SLC30A7: variants seen among roughly 807,000 people sequenced by gnomAD.
SLC30A7 encodes the protein solute carrier family 30 member 7.
A neutral mutation model predicts 46.0 loss-of-function variants in SLC30A7; 35 were observed. The observed-to-expected ratio is 0.76, with a 90% CI of 0.58 to 1.01. SLC30A7 has a LOEUF of 1.01. SLC30A7 is among the 50% of genes least tolerant of loss of function. The pLI, the probability that SLC30A7 is intolerant of heterozygous loss-of-function variation, is 0.00. For synonymous variants in SLC30A7, 147 were observed against 157.8 expected, an observed-to-expected ratio of 0.93 and a Z score of 0.51; for missense variants, 464 against 451.1, an observed-to-expected ratio of 1.03 and a Z score of -0.26.
intron 8 of SLC30A7, chr1:100,941,663 C>G: frequency 3.2e-6 from 2 of 624,212 alleles, no homozygotes; most frequent in Admixed American, 3.7e-5. Flanking sequence ...TAAGTGGGCA[C>G]TGGTCTCTGA....
At position 100,975,858 on chromosome 1, in the gene SLC30A7, C is replaced by T. The variant is rs1454760682; in HGVS notation, c.*1001C>T. 5 of 109,986 alleles carry T rather than the reference C, an allele frequency of 4.5e-5. No homozygotes were observed. The Admixed American group carries it at 5.0e-4, about 11-fold the overall frequency. 6.8% of individuals were successfully genotyped at this position (109,986 alleles called of 1,614,324 possible). On this transcript the variant is annotated 3_prime_UTR_variant, in exon 11 of 11. Coordinates refer to ENST00000357650, the MANE Select transcript of SLC30A7 (RefSeq NM_133496.5). ...TTTTTTTTTTTTTTTTTTTTTTTAACAATGGATATTCTGTAAAATATCCTG... is the reference window on the plus strand; with the variant it reads ...TTTTTTTTTTTTTTTTTTTTTTTAATAATGGATATTCTGTAAAATATCCTG...
At chr1:100,934,419 G>A (rs967795601) in intron 8 of SLC30A7, among the ~76,000 whole-genome samples, 1 of 151,868 alleles carries the variant, frequency 6.6e-6, no homozygotes, top group African/African-American at 2.4e-5. Flanking sequence ...GGCAATAAGG[G>A]GCCATTTAGG....
chr1:100,988,157 T>C, the SLC30A7 span, among the ~76,000 whole-genome samples: 1 of 152,216 alleles, frequency 6.6e-6, no homozygotes, highest in African/African-American at 2.4e-5. Flanking sequence ...CTCCTCCATT[T>C]CTGACACCTT....
At chr1:100,924,249 GTC>G (rs767470645) in intron 8 of SLC30A7, among the ~76,000 whole-genome samples, 10 of 152,064 alleles carry the variant, frequency 6.6e-5, no homozygotes, top group Non-Finnish European at 1.2e-4. Context: ...GACCTCTTTG[GTC>G]TCTCTCAGTA....
In SLC30A7 at chr1:100,911,106, TTTTTGATC is replaced by T. The variant is rs1188521120; in HGVS notation, c.343_350del (p.Leu115HisfsTer11). The T allele has an allele frequency of 1.2e-6, 2 of 1,611,870 alleles. No individual in the cohort carries two copies. The highest frequency in any genetic ancestry group is 2.7e-5 in the African/African-American group (2 of 74,892). On this transcript the variant is annotated frameshift_variant, in exon 4 of 11. Transcript: ENST00000357650. LOFTEE classifies it high-confidence loss of function. ...TCTGGCTGGCTTTGTCAATGGCCTATTTTTGATCTTCACTGCTTTTTTTATTTTCTCAG... is the reference window on the plus strand; with the variant it reads ...TCTGGCTGGCTTTGTCAATGGCCTATTTCACTGCTTTTTTTATTTTCTCAG...
chr1:100,992,314 G>A, the SLC30A7 span, among the ~76,000 whole-genome samples: 2 of 151,956 alleles, frequency 1.3e-5, no homozygotes, highest in Admixed American at 6.6e-5. Context: ...CCATTGATTA[G>A]GGATAACATA....
chr1:100,970,074 T>C (rs913319579), intron 10 of SLC30A7, among the ~76,000 whole-genome samples: 1 of 152,274 alleles, frequency 6.6e-6, no homozygotes. Flanking sequence ...CTCAAATTGC[T>C]CCCTTTTCGA....
chr1:100,917,906 A>G (rs1460655634), intron 6 of SLC30A7, among the ~76,000 whole-genome samples, 171 bp from the exon 7 acceptor site: 1 of 152,214 alleles, frequency 6.6e-6, no homozygotes, highest in Non-Finnish European at 1.5e-5. Flanking sequence ...ACTGCCACTA[A>G]ATTTACCTCC....
Position 100,896,604 on chromosome 1 carries a change from T to A in SLC30A7, c.115T>A (p.Phe39Ile). Residue 39 changes from phenylalanine to isoleucine, a missense_variant, in exon 2 of 11, where the codon TTT becomes ATT. Coordinates refer to ENST00000357650, the MANE Select transcript of SLC30A7 (RefSeq NM_133496.5). ...ILSDKTSRNL[F>I]FFLCLNLSFA... is the part of the protein sequence containing the mutation. ...GTCCGACAAGACTTCCCGGAACCTG[T>A]TTTTCTTCCTGTGCCTGAACCTCTC... 1 of 1,614,044 alleles carries A rather than the reference T, an allele frequency of 6.2e-7. No homozygotes were observed. Among genetic ancestry groups the A allele is most frequent in the Non-Finnish European group, 8.5e-7 (1 of 1,179,970 alleles).
Position 100,896,135 on chromosome 1 carries a change from T to G in SLC30A7, c.-128T>G. ...GTGTGTGTCTGTGTCTGTCTGTGTCTCGCAGCGGCGCGCGGCCCCGGACAA... is the reference window on the plus strand; with the variant it reads ...GTGTGTGTCTGTGTCTGTCTGTGTCGCGCAGCGGCGCGCGGCCCCGGACAA... On this transcript the variant is annotated 5_prime_UTR_variant, in exon 1 of 11. Transcript: ENST00000357650. 1.3e-6 allele frequency: 1 copy of G among 788,872 alleles called. No individual in the cohort carries two copies. Among genetic ancestry groups the G allele is most frequent in the Non-Finnish European group, 2.2e-6 (1 of 460,428 alleles). The allele number at this position is 788,872 out of a possible 1,614,324, so 48.9% of individuals were successfully genotyped here.
the SLC30A7 span, among the ~76,000 whole-genome samples, chr1:100,988,793 T>C: frequency 6.6e-6 from 1 of 152,064 alleles, no homozygotes; most frequent in East Asian, 1.9e-4. Flanking sequence ...GAGGTTGCAG[T>C]GAGCCAAGAT....
chr1:100,926,600 C>T (rs1019964143), intron 8 of SLC30A7, among the ~76,000 whole-genome samples: 1 of 152,200 alleles, frequency 6.6e-6, no homozygotes, highest in Non-Finnish European at 1.5e-5. Flanking sequence ...GGCAGGCACA[C>T]ATATCTAAAC....
rs1333303906 is a variant in SLC30A7 at position 100,974,880 on chromosome 1, C to T, written c.*23C>T. On this transcript the variant is annotated 3_prime_UTR_variant, in exon 11 of 11. Transcript: ENST00000357650. ...TAGTGAATGGAAAGAAATTATGCAC[C>T]TTTTATGGACCAAATTTTTCTGGTA... 2 of 1,591,002 alleles carry T rather than the reference C, an allele frequency of 1.3e-6. No homozygotes were observed. Among genetic ancestry groups the T allele is most frequent in the Non-Finnish European group, 1.7e-6 (2 of 1,163,796 alleles).
intron 7 of SLC30A7, among the ~76,000 whole-genome samples, chr1:100,918,620 C>T (rs1049655527): frequency 1.3e-5 from 2 of 152,130 alleles, no homozygotes; most frequent in African/African-American, 2.4e-5. Context: ...TTTAATACAC[C>T]TAACCTACCG....
intron 2 of SLC30A7, among the ~76,000 whole-genome samples, chr1:100,898,281 C>G (rs1462596963): frequency 6.6e-6 from 1 of 152,132 alleles, no homozygotes; most frequent in Non-Finnish European, 1.5e-5. Context: ...GTTCCTAAAC[C>G]ACCTTTCATG....
chr1:100,932,684 G>C (rs929695773), intron 8 of SLC30A7, among the ~76,000 whole-genome samples: 7 of 152,270 alleles, frequency 4.6e-5, no homozygotes, highest in African/African-American at 1.7e-4. Flanking sequence ...AACTTACTGG[G>C]AGTGTGTTAG....
At chr1:100,983,475 TCTG>T (rs908172887), downstream of SLC30A7, among the ~76,000 whole-genome samples, 2 of 151,848 alleles carry the variant, frequency 1.3e-5, no homozygotes, top group Non-Finnish European at 2.9e-5. Flanking sequence ...TTCAAATTTA[TCTG>T]CTAATGTTGA....
At chr1:100,994,277 A>T in the SLC30A7 span, among the ~76,000 whole-genome samples, 1 of 152,208 alleles carries the variant, frequency 6.6e-6, no homozygotes, top group Non-Finnish European at 1.5e-5. Context: ...TGTTCCAAAC[A>T]TACTTAAAAG....
intron 10 of SLC30A7, among the ~76,000 whole-genome samples, chr1:100,973,686 C>G (rs1230248432): frequency 6.6e-6 from 1 of 152,024 alleles, no homozygotes. Context: ...TTTCTTTAGC[C>G]TTTGGCGATT....
Sources: gnomAD v4.1 joint callset for allele counts (sites outside exome capture counted in the v4.1 genomes callset) on GRCh38, gnomAD v4.1.1 for gene constraint, MANE v1.5 for transcripts, NCBI Gene and HGNC (gene_info 2026-07-23, HGNC 2026-07-21) for gene names.